Variants in SVEP1 observed in about 807,000 individuals in gnomAD.
SVEP1 encodes the protein sushi, von Willebrand factor type A, EGF and pentraxin domain-containing protein 1.
In SVEP1, 164 loss-of-function variants were observed where a neutral mutation model predicts 367.3. The observed-to-expected ratio is 0.45, with a 90% CI of 0.39 to 0.51. The LOEUF (loss-of-function observed/expected upper bound fraction) is 0.51, where lower values mean the gene tolerates loss of function less well. SVEP1 is among the 20% of genes least tolerant of loss of function. The pLI is 0.00. For synonymous variants in SVEP1, 1,666 were observed against 1,611.6 expected (o/e 1.03, Z -0.81); for missense variants, 4,117 against 4,425.3 (o/e 0.93, Z 1.98).
chr9:110,485,453 C>A (rs1277759643), intron 9 of SVEP1, among the ~76,000 whole-genome samples: 1 of 151,988 alleles, frequency 6.6e-6, no homozygotes, highest in Non-Finnish European at 1.5e-5. Flanking sequence ...AGAAGGGGAG[C>A]ATCAGGATAA....
chr9:110,428,919 A>C (rs1828303550), intron 35 of SVEP1, among the ~76,000 whole-genome samples: 1 of 152,142 alleles, frequency 6.6e-6, no homozygotes, highest in Non-Finnish European at 1.5e-5. Flanking sequence ...AAAATACAAA[A>C]ATTAGCTGGG....
intron 1 of SVEP1, among the ~76,000 whole-genome samples, chr9:110,552,024 C>CTTT (rs34366561): frequency 0.011 from 810 of 77,012 alleles, 13 homozygotes; most frequent in Non-Finnish European, 0.014. Flanking sequence ...GGTACCCAAC[C>CTTT]TTTTTTTTTT....
chr9:110,466,052 A>G (rs375238688), intron 17 of SVEP1, 26 bp from the exon 18 acceptor site: 9 of 1,600,948 alleles, frequency 5.6e-6, no homozygotes, highest in Non-Finnish European at 6.8e-6. Context: ...TAATATTACT[A>G]TCAATAATGA....
Position 110,433,575 on chromosome 9 carries a change from G to A in SVEP1, c.5059+761C>T, listed in dbSNP as rs566416012. ...CCTCTGCCTGCCTCCTGGGCTCAGC[G>A]ATCCTCCCATTTCAGCCTACTGAGT... On this transcript the variant is annotated intron_variant, in intron 30 of 47. Coordinates refer to ENST00000374469, the MANE Select transcript of SVEP1 (RefSeq NM_153366.4). Among the ~76,000 whole-genome samples, 51 of 150,216 alleles carry A rather than the reference G, an allele frequency of 3.4e-4. 1 individual carries two copies. Among genetic ancestry groups the A allele is most frequent in the Admixed American group, 3.3e-3 (49 of 15,008 alleles).
At chr9:110,424,705 G>A (rs1242297197) in intron 36 of SVEP1, among the ~76,000 whole-genome samples, 1 of 152,016 alleles carries the variant, frequency 6.6e-6, no homozygotes, top group Non-Finnish European at 1.5e-5. Flanking sequence ...ACAGAGTTTC[G>A]CTCTTGTTGC....
chr9:110,400,397 A>G (rs1296889234), intron 40 of SVEP1, among the ~76,000 whole-genome samples: 2 of 148,712 alleles, frequency 1.3e-5, no homozygotes, highest in East Asian at 3.9e-4. Flanking sequence ...AGATGGTCTC[A>G]CTCTTGCCTC....
At chr9:110,376,657 AT>A (rs1431774032) in intron 45 of SVEP1, among the ~76,000 whole-genome samples, 1 of 152,200 alleles carries the variant, frequency 6.6e-6, no homozygotes, top group Non-Finnish European at 1.5e-5. Flanking sequence ...ATATGAAACC[AT>A]TTTATCCTTA....
At chr9:110,554,556 A>C (rs1830332590) in intron 1 of SVEP1, among the ~76,000 whole-genome samples, 2 of 152,202 alleles carry the variant, frequency 1.3e-5, no homozygotes, top group Admixed American at 1.3e-4. Context: ...CATGTCAGAA[A>C]ACAAAGATGC....
chr9:110,468,803 C>G (rs749544975), intron 17 of SVEP1, 137 bp downstream of exon 17: 17 of 805,106 alleles, frequency 2.1e-5, no homozygotes, highest in Non-Finnish European at 3.1e-5. Flanking sequence ...GTATGCTTTT[C>G]TCTTGCAAAT....
chr9:110,444,456 G>A (rs1828560130), intron 26 of SVEP1, among the ~76,000 whole-genome samples: 2 of 152,146 alleles, frequency 1.3e-5, no homozygotes, highest in African/African-American at 2.4e-5. Flanking sequence ...CCAAGTCTAT[G>A]CTATTTATTA....
chr9:110,427,562 T>C (rs767410313), intron 36 of SVEP1, 29 bp downstream of exon 36: 2 of 1,600,886 alleles, frequency 1.2e-6, no homozygotes, highest in Non-Finnish European at 1.7e-6. Flanking sequence ...TGGCTCTCAA[T>C]GATCCTTTCC....
At chr9:110,549,491 T>C (rs1469750577) in intron 2 of SVEP1, among the ~76,000 whole-genome samples, 3 of 152,182 alleles carry the variant, frequency 2.0e-5, no homozygotes, top group Non-Finnish European at 4.4e-5. Context: ...TCTCTGAATG[T>C]TTACTTCCTC....
chr9:110,517,622 A>T (rs930064070), intron 3 of SVEP1, among the ~76,000 whole-genome samples: 1 of 151,454 alleles, frequency 6.6e-6, no homozygotes, highest in Non-Finnish European at 1.5e-5. Context: ...AAATGTAAAA[A>T]ATTAGGTGAG....
Position 110,404,401 on chromosome 9 carries a change from T to C in SVEP1, c.9592A>G (p.Ser3198Gly). The C allele has an allele frequency of 1.2e-6, 2 of 1,613,988 alleles. No individual in the cohort carries two copies. Among genetic ancestry groups the C allele is most frequent in the South Asian group, 2.2e-5 (2 of 91,088 alleles). ...THILVHGDDF[S>G]VNRQVSVSCA... ...GACACAGAAACTTGCCTATTCACAC[T>C]GAAATCGTCCCCATGTACAAGTATA... Residue 3198 changes from serine (S) to glycine (G), a missense_variant, in exon 39 of 48, where the codon AGT (serine) becomes GGT (glycine). Physicochemically the swap from Ser to Gly is moderately conservative, Grantham distance 56. This residue lies in a region of SVEP1 where 1,765 missense variants were observed against 1,781.1 expected (regional missense o/e 0.99). Coordinates refer to ENST00000374469, the MANE Select transcript of SVEP1 (RefSeq NM_153366.4).
chr9:110,460,789 T>G (rs1158577919), intron 18 of SVEP1, among the ~76,000 whole-genome samples: 3 of 152,176 alleles, frequency 2.0e-5, no homozygotes, highest in Non-Finnish European at 2.9e-5. Context: ...AGGAAGGTAT[T>G]AAAATCTTCC....
At chr9:110,412,944 G>A (rs10980376) in intron 36 of SVEP1, among the ~76,000 whole-genome samples, 87,257 of 135,358 alleles carry the variant, frequency 0.64, 27,666 homozygotes, top group African/African-American at 0.85. Flanking sequence ...CTGTTGGTGG[G>A]ACTGTAAACT....
intron 16 of SVEP1, among the ~76,000 whole-genome samples, chr9:110,470,030 T>G (rs1027990095): frequency 2.0e-5 from 3 of 152,196 alleles, no homozygotes; most frequent in African/African-American, 7.2e-5. Flanking sequence ...CCCACGTTTA[T>G]GGAGAGATGA....
chr9:110,440,603 TG>T (rs562214900), intron 27 of SVEP1, among the ~76,000 whole-genome samples: 66 of 152,290 alleles, frequency 4.3e-4, no homozygotes, highest in African/African-American at 1.5e-3. Context: ...AAAGAAGAAC[TG>T]AAAGAAAAAG....
intron 20 of SVEP1, 82 bp downstream of exon 20, chr9:110,458,389 C>T: frequency 8.4e-7 from 1 of 1,191,690 alleles, no homozygotes; most frequent in South Asian, 1.4e-5. Flanking sequence ...AATCCTGGTC[C>T]TTTTCCTGTG....
Sources: gnomAD v4.1 joint callset for allele counts (sites outside exome capture counted in the v4.1 genomes callset) on GRCh38, gnomAD v4.1.1 for gene constraint, gnomAD v4.1.1 regional missense constraint, MANE v1.5 for transcripts, NCBI Gene and HGNC (gene_info 2026-07-23, HGNC 2026-07-21) for gene names.